RFX4: variants seen among roughly 807,000 people sequenced by gnomAD.
RFX4 encodes regulatory factor X4.
Under a neutral mutation model 95.0 loss-of-function variants are expected in RFX4, and 10 were observed. The ratio of observed to expected loss-of-function variants is 0.11; its 90% CI spans 0.06 to 0.18. The LOEUF is 0.18. RFX4 is among the 10% of genes least tolerant of loss of function. The probability of loss-of-function intolerance (pLI) is 1.00; values close to 1 mark genes in which losing one functional copy is unlikely to be tolerated. For missense variants in RFX4, 640 were observed against 922.0 expected (o/e 0.69, Z 3.96); for synonymous variants, 321 against 340.7 (o/e 0.94, Z 0.64).
intron 3 of RFX4, among the ~76,000 whole-genome samples, chr12:106,651,332 G>C (rs1376298419): frequency 6.6e-6 from 1 of 152,182 alleles, no homozygotes; most frequent in East Asian, 1.9e-4. Flanking sequence ...CTGAGCCTCA[G>C]ATTCCTATCC....
intron 13 of RFX4, among the ~76,000 whole-genome samples, chr12:106,730,887 C>A (rs2042598434): frequency 6.6e-6 from 1 of 152,168 alleles, no homozygotes; most frequent in African/African-American, 2.4e-5. Context: ...ATCATCCCAG[C>A]TACTGGGGAG....
In RFX4 at chr12:106,739,052, T is replaced by C. The variant is rs569573455; in HGVS notation, c.1633+5967T>C. 2.4e-4 allele frequency among the ~76,000 whole-genome samples: 36 copies of C among 152,026 alleles called. 1 individual carries two copies. In the East Asian group the frequency reaches 6.2e-3, roughly 26 times the overall value. ...ATTATCGCTTGACTTATATATCCCATCTACTTTCCAAAAAGTTTTGAAGTA... is the reference window on the plus strand; with the variant it reads ...ATTATCGCTTGACTTATATATCCCACCTACTTTCCAAAAAGTTTTGAAGTA... On this transcript the variant is annotated intron_variant, in intron 15 of 17. Transcript: ENST00000392842.
intron 15 of RFX4, among the ~76,000 whole-genome samples, chr12:106,735,495 A>C (rs1483444990): frequency 6.6e-6 from 1 of 152,206 alleles, no homozygotes; most frequent in Non-Finnish European, 1.5e-5. Context: ...CAAAGATAAA[A>C]GAAATCTTAC....
At chr12:106,670,209 G>A (rs2041255241) in intron 4 of RFX4, among the ~76,000 whole-genome samples, 1 of 152,050 alleles carries the variant, frequency 6.6e-6, no homozygotes, top group Non-Finnish European at 1.5e-5. Context: ...ACAATTTTGA[G>A]AACAATTGTT....
chr12:106,666,773 C>G (rs1437828788), intron 4 of RFX4, among the ~76,000 whole-genome samples: 1 of 152,166 alleles, frequency 6.6e-6, no homozygotes, highest in Non-Finnish European at 1.5e-5. Context: ...CTTAGGATTT[C>G]TATCTCTCTG....
At position 106,583,455 on chromosome 12, in the gene RFX4, C is replaced by T; in HGVS notation, c.43+92C>T. ...AGAAAGAAGTTGGGAAAAGTTCAGA[C>T]GGGTCAACTTGACAGTGGAACCCCA... On this transcript the variant is annotated intron_variant, in intron 1 of 17. Transcript: ENST00000392842. The T allele has an allele frequency of 3.9e-6, 5 of 1,280,822 alleles. No homozygotes were observed. The South Asian group carries it at 6.3e-5, about 16-fold the overall frequency. The allele number at this position is 1,280,822 out of a possible 1,614,324, so 79.3% of individuals were successfully genotyped here.
chr12:106,601,145 G>A (rs942092474), intron 1 of RFX4: 2 of 1,445,156 alleles, frequency 1.4e-6, no homozygotes, highest in African/African-American at 2.9e-5. Flanking sequence ...GCGTTGCCAT[G>A]GCAACCCACT....
intron 15 of RFX4, chr12:106,733,318 CA>C (rs1565999209): frequency 7.6e-6 from 3 of 394,396 alleles, no homozygotes; most frequent in Non-Finnish European, 1.4e-5. Flanking sequence ...GACCTTGTCT[CA>C]AAAAAAGAAA....
chr12:106,685,022 G>A (rs1250190715), intron 5 of RFX4: 1 of 1,539,698 alleles, frequency 6.5e-7, no homozygotes, highest in African/African-American at 1.4e-5. Context: ...GTATGATTTT[G>A]TGACTTTCAT....
chr12:106,754,434 C>T (rs2043072334), intron 17 of RFX4, among the ~76,000 whole-genome samples: 1 of 152,212 alleles, frequency 6.6e-6, no homozygotes, highest in South Asian at 2.1e-4. Flanking sequence ...ACTGGGAGTA[C>T]AGTGAGAAGG....
rs143888538 is a variant in RFX4 at position 106,689,210 on chromosome 12, A to G, written c.592-77A>G. On this transcript the variant is annotated intron_variant, in intron 6 of 17. Transcript: ENST00000392842. ...CCCCCCACAGGGAAGAAATGACTTAAAAACTGAAAGTCCAAGGGCAGCAGC... is the reference window on the plus strand; with the variant it reads ...CCCCCCACAGGGAAGAAATGACTTAGAAACTGAAAGTCCAAGGGCAGCAGC... 8.0e-6 allele frequency: 10 copies of G among 1,251,408 alleles called. No individual in the cohort carries two copies. In the East Asian group the frequency reaches 2.1e-4, roughly 26 times the overall value. 77.5% of individuals were successfully genotyped at this position (1,251,408 alleles called of 1,614,324 possible). A position where few individuals can be genotyped will look rare whatever the true frequency, so the allele number is the denominator to read the frequency against.
At chr12:106,757,678 G>A (rs975750973) in intron 17 of RFX4, among the ~76,000 whole-genome samples, 1 of 152,170 alleles carries the variant, frequency 6.6e-6, no homozygotes, top group Non-Finnish European at 1.5e-5. Flanking sequence ...TGCAGTGAGA[G>A]CCGCCTTTCA....
At chr12:106,652,702 C>G (rs948403483) in intron 3 of RFX4, among the ~76,000 whole-genome samples, 1 of 152,112 alleles carries the variant, frequency 6.6e-6, no homozygotes, top group African/African-American at 2.4e-5. Flanking sequence ...TTGTATTCCC[C>G]CTCTGTGGGG....
At chr12:106,760,256 T>G (rs1387328597) in intron 17 of RFX4, among the ~76,000 whole-genome samples, 1 of 152,240 alleles carries the variant, frequency 6.6e-6, no homozygotes, top group Middle Eastern at 3.2e-3. Context: ...TTGTGCTGAC[T>G]GGCCTGCAGA....
chr12:106,717,845 C>G (rs921748632), intron 11 of RFX4, among the ~76,000 whole-genome samples: 1 of 152,198 alleles, frequency 6.6e-6, no homozygotes, highest in African/African-American at 2.4e-5. Context: ...CCTAACCAGA[C>G]AGCTGGGAAG....
intron 5 of RFX4, among the ~76,000 whole-genome samples, chr12:106,684,249 C>A (rs1196196297): frequency 2.0e-5 from 3 of 152,078 alleles, no homozygotes; most frequent in Admixed American, 1.3e-4. Flanking sequence ...TCCCTTTAGT[C>A]CCAGCTACTC....
At chr12:106,604,248 G>A (rs746868587) in intron 1 of RFX4, among the ~76,000 whole-genome samples, 2 of 151,282 alleles carry the variant, frequency 1.3e-5, no homozygotes, top group East Asian at 3.9e-4. Flanking sequence ...AGCCTCCTGC[G>A]TAGCTGGGAT....
chr12:106,644,376 G>A (rs1437193463), intron 3 of RFX4, among the ~76,000 whole-genome samples: 1 of 151,876 alleles, frequency 6.6e-6, no homozygotes, highest in African/African-American at 2.4e-5. Context: ...TGGGATTACA[G>A]GCGCGCACCG....
Position 106,583,078 on chromosome 12 carries a change from T to TC in RFX4, c.-238dup, listed in dbSNP as rs1167868089. On this transcript the variant is annotated 5_prime_UTR_variant, in exon 1 of 18. Coordinates refer to ENST00000392842, the MANE Select transcript of RFX4 (RefSeq NM_213594.3). ...CCCTTGCTCGCTCGCTTTTTCTCTC[T>TC]CCCCCTTCTCCGAGCTCGCTCCCTT... 1 of 441,756 alleles carries TC rather than the reference T, an allele frequency of 2.3e-6. No individual in the cohort carries two copies. The highest frequency in any genetic ancestry group is 3.9e-6 in the Non-Finnish European group (1 of 253,950). 27.4% of individuals were successfully genotyped at this position (441,756 alleles called of 1,614,324 possible). A position where few individuals can be genotyped will look rare whatever the true frequency, so the allele number is the denominator to read the frequency against.
Sources: allele counts gnomAD v4.1 joint callset (sites outside exome capture counted in the v4.1 genomes callset), GRCh38; gene constraint gnomAD v4.1.1; transcripts MANE v1.5; gene names NCBI Gene and HGNC (gene_info 2026-07-23, HGNC 2026-07-21).